The following TTC28 variants were observed in gnomAD, a reference collection of about 807,000 sequenced individuals.
TTC28 encodes the protein tetratricopeptide repeat domain 28.
A neutral mutation model predicts 198.0 loss-of-function variants in TTC28; 61 were observed. The observed-to-expected ratio is 0.31, with a 90% CI of 0.25 to 0.38. The LOEUF (loss-of-function observed/expected upper bound fraction) is 0.38, where lower values mean the gene tolerates loss of function less well. Ranked by LOEUF, TTC28 falls within the 10% of genes least tolerant of loss-of-function variation. The pLI, the probability that TTC28 is intolerant of heterozygous loss-of-function variation, is 1.00. For missense variants in TTC28, 2,678 were observed against 3,164.0 expected, an observed-to-expected ratio of 0.85 and a Z score of 3.69; for synonymous variants, 1,171 against 1,297.8, an observed-to-expected ratio of 0.90 and a Z score of 2.10.
intron 2 of TTC28, among the ~76,000 whole-genome samples, chr22:28,601,775 T>TAGAC (rs1170477678): frequency 9.5e-5 from 6 of 63,250 alleles, no homozygotes; most frequent in African/African-American, 2.7e-4. Flanking sequence ...GAGTAAACCC[T>TAGAC]AGACACACAC....
chr22:28,364,986 G>T (rs1363110867), intron 2 of TTC28, among the ~76,000 whole-genome samples: 1 of 152,186 alleles, frequency 6.6e-6, no homozygotes, highest in Non-Finnish European at 1.5e-5. Flanking sequence ...TCTACTGTGG[G>T]TAAAATACTA....
In TTC28 at chr22:27,982,015, C is replaced by T; in HGVS notation, c.*206G>A. 1 of 488,798 alleles carries T rather than the reference C, an allele frequency of 2.0e-6. No homozygotes were observed. The highest frequency in any genetic ancestry group is 5.3e-4 in the Middle Eastern group (1 of 1,898). The allele number at this position is 488,798 out of a possible 1,614,324, so 30.3% of individuals were successfully genotyped here. On this transcript the variant is annotated 3_prime_UTR_variant, in exon 23 of 23. Transcript: ENST00000397906. The surrounding 1 kb of genome is among the most constrained non-coding windows in gnomAD (Gnocchi z 5.2). ...CCATGAGCCTCCTGTACCAGCCCCA[C>T]AGAAGTCCTGGCTTTTGGTGAATGT... is the stretch of plus-strand genomic sequence containing the variant.
intron 5 of TTC28, among the ~76,000 whole-genome samples, chr22:28,284,944 CA>C (rs1381780966): frequency 1.3e-5 from 2 of 152,036 alleles, no homozygotes; most frequent in Non-Finnish European, 2.9e-5. Context: ...AGACATTCCT[CA>C]AAAAATTAAA....
chr22:28,243,174 C>CAAAAAAAAAAAAAAAAAAAAAAAAA lies in TTC28; in HGVS notation c.933+52999_933+53023dup, dbSNP rs754700795. Reference sequence around the variant, plus strand: ...GCAACCTGGCAAAACCCCCTCTCTACAAAAAAAAAAAAAAAAAAAAAAAAA... The same window carrying CAAAAAAAAAAAAAAAAAAAAAAAAA: ...GCAACCTGGCAAAACCCCCTCTCTACAAAAAAAAAAAAAAAAAAAAAAAAAAAAAAAAAAAAAAAAAAAAAAAAAA... On this transcript the variant is annotated intron_variant, in intron 5 of 22. Transcript: ENST00000397906. Among the ~76,000 whole-genome samples, 19 of 68,334 alleles carry CAAAAAAAAAAAAAAAAAAAAAAAAA rather than the reference C, an allele frequency of 2.8e-4. 1 individual carries two copies. Among genetic ancestry groups the CAAAAAAAAAAAAAAAAAAAAAAAAA allele is most frequent in the Middle Eastern group, 8.2e-3 (1 of 122 alleles). The allele number at this position is 68,334 out of a possible 152,430, so 44.8% of individuals were successfully genotyped here.
intron 12 of TTC28, among the ~76,000 whole-genome samples, chr22:28,064,005 T>A (rs996271929): frequency 1.3e-5 from 2 of 152,148 alleles, no homozygotes; most frequent in African/African-American, 2.4e-5. Context: ...TTTGTTGAAA[T>A]GAACTGTAAA....
intron 2 of TTC28, among the ~76,000 whole-genome samples, chr22:28,458,324 A>C (rs2047895719): frequency 6.6e-6 from 1 of 152,238 alleles, no homozygotes; most frequent in African/African-American, 2.4e-5. Flanking sequence ...ACAGAAGTTC[A>C]AAACTTAAGA....
At chr22:28,040,224 C>A (rs990270592) in intron 12 of TTC28, among the ~76,000 whole-genome samples, 5 of 152,290 alleles carry the variant, frequency 3.3e-5, no homozygotes, top group Non-Finnish European at 5.9e-5. Context: ...GGAATCCTCC[C>A]TAACTCATTT....
chr22:28,423,158 G>C (rs1358049540), intron 2 of TTC28, among the ~76,000 whole-genome samples: 1 of 152,088 alleles, frequency 6.6e-6, no homozygotes, highest in African/African-American at 2.4e-5. Flanking sequence ...TTGGGAGGCC[G>C]AGGCAGGCAG....
intron 6 of TTC28, among the ~76,000 whole-genome samples, chr22:28,140,588 C>T (rs1193687206): frequency 6.6e-6 from 1 of 152,188 alleles, no homozygotes; most frequent in Non-Finnish European, 1.5e-5. Context: ...TTAAAATGGA[C>T]TTCTAGATTT....
chr22:28,504,317 T>C (rs372966032), intron 2 of TTC28, among the ~76,000 whole-genome samples: 198 of 152,222 alleles, frequency 1.3e-3, no homozygotes, highest in Non-Finnish European at 2.3e-3. Context: ...TTTTGAGTTA[T>C]ATAGTTTTCC....
chr22:28,026,142 T>C (rs2146617498), intron 13 of TTC28, among the ~76,000 whole-genome samples: 1 of 152,326 alleles, frequency 6.6e-6, no homozygotes, highest in African/African-American at 2.4e-5. Flanking sequence ...GGAGCACTAC[T>C]GCCTCTCCAC....
intron 2 of TTC28, among the ~76,000 whole-genome samples, chr22:28,327,430 G>A (rs1473904004): frequency 6.6e-6 from 1 of 152,088 alleles, no homozygotes; most frequent in East Asian, 1.9e-4. Context: ...CTTTATTCAG[G>A]CATGAGTGAT....
chr22:28,618,099 T>G (rs1027922538), intron 2 of TTC28, among the ~76,000 whole-genome samples: 1 of 149,428 alleles, frequency 6.7e-6, no homozygotes, highest in African/African-American at 2.5e-5. Context: ...ATGATGAAAC[T>G]CCATTTCTAC....
intron 2 of TTC28, among the ~76,000 whole-genome samples, chr22:28,516,944 TACTC>T (rs2146412925): frequency 6.6e-6 from 1 of 152,320 alleles, no homozygotes; most frequent in South Asian, 2.1e-4. Context: ...AAATAAATGA[TACTC>T]ACTACAACTT....
intron 5 of TTC28, among the ~76,000 whole-genome samples, chr22:28,173,809 A>G (rs1217050220): frequency 6.6e-6 from 1 of 152,194 alleles, no homozygotes; most frequent in Non-Finnish European, 1.5e-5. Context: ...TATGCTGAAG[A>G]TTTAAACACG....
chr22:28,113,420 C>T (rs1193088371), intron 6 of TTC28, among the ~76,000 whole-genome samples: 2 of 152,154 alleles, frequency 1.3e-5, no homozygotes, highest in South Asian at 4.1e-4. Context: ...GGAAAAGGCC[C>T]TCCCATGGGT....
chr22:28,118,720 C>A (rs760679022), intron 6 of TTC28, among the ~76,000 whole-genome samples: 7 of 152,056 alleles, frequency 4.6e-5, no homozygotes, highest in Non-Finnish European at 7.4e-5. Context: ...CAGAATGTAT[C>A]CCTATTGTTA....
chr22:28,375,921 C>G (rs1319730479), intron 2 of TTC28, among the ~76,000 whole-genome samples: 1 of 152,224 alleles, frequency 6.6e-6, no homozygotes, highest in African/African-American at 2.4e-5. Flanking sequence ...GACTTACTTA[C>G]ACCAGTGCCC....
intron 5 of TTC28, among the ~76,000 whole-genome samples, chr22:28,247,528 G>A (rs1344198286): frequency 3.3e-5 from 5 of 152,174 alleles, no homozygotes; most frequent in African/African-American, 1.2e-4. Flanking sequence ...GACAGAGATG[G>A]AAACAGATTG....
Sources: gnomAD v4.1 joint callset for allele counts (sites outside exome capture counted in the v4.1 genomes callset) on GRCh38, gnomAD v4.1.1 for gene constraint, Gnocchi (gnomAD v3.1) non-coding constraint, MANE v1.5 for transcripts, NCBI Gene and HGNC (gene_info 2026-07-23, HGNC 2026-07-21) for gene names.